Variants in LRRC55 observed in about 807,000 individuals in gnomAD.
LRRC55 encodes leucine-rich repeat-containing protein 55.
In LRRC55, 11 loss-of-function variants were observed where a neutral mutation model predicts 20.5. That is an observed-to-expected ratio of 0.54 (90% confidence interval 0.34 to 0.89). The LOEUF (loss-of-function observed/expected upper bound fraction) is 0.89. LRRC55 is among the 40% of genes least tolerant of loss of function. The pLI is 0.02. For missense variants in LRRC55, 358 were observed against 390.9 expected (o/e 0.92, Z 0.71); for synonymous variants, 188 against 166.6 (o/e 1.13, Z -0.99).
chr11:57,184,482 A>G (rs1854403478), intron 1 of LRRC55, among the ~76,000 whole-genome samples: 1 of 152,344 alleles, frequency 6.6e-6, no homozygotes, highest in Non-Finnish European at 1.5e-5. Flanking sequence ...TGAGGAAGCA[A>G]GCAGTCCCAG....
In LRRC55 at chr11:57,182,548, T is replaced by C. The variant is rs1854375029; in HGVS notation, c.526T>C (p.Phe176Leu). The change falls in exon 1 of 2, where the codon TTC becomes CTC. Residue 176 changes from phenylalanine (F) to leucine (L), a missense_variant. Physicochemically the swap from Phe to Leu is conservative, Grantham distance 22. Around this residue, in one of 3 missense-constraint regions of LRRC55, gnomAD observed 178 missense variants for 207.9 expected, o/e 0.86. Coordinates refer to ENST00000497933, the MANE Select transcript of LRRC55 (RefSeq NM_001005210.4). ...GGACCTCAGTTATGGGGGCCTGGCCTTCCTCAGCCTGGAGGCTCTTGAGGG... is the reference window on the plus strand; with the variant it reads ...GGACCTCAGTTATGGGGGCCTGGCCCTCCTCAGCCTGGAGGCTCTTGAGGG... ...DLDLSYGGLA[F>L]LSLEALEGLP... 1.3e-6 allele frequency: 2 copies of C among 1,569,050 alleles called. No homozygotes were observed. Among genetic ancestry groups the C allele is most frequent in the Non-Finnish European group, 1.7e-6 (2 of 1,155,444 alleles).
At chr11:57,186,849 G>GA (rs1779052414) in intron 1 of LRRC55, among the ~76,000 whole-genome samples, 1 of 152,204 alleles carries the variant, frequency 6.6e-6, no homozygotes, top group African/African-American at 2.4e-5. Flanking sequence ...AGGTTTGAAA[G>GA]AACCACTCAG....
Position 57,187,756 on chromosome 11 carries a change from G to T in LRRC55, c.*276G>T. On this transcript the variant is annotated 3_prime_UTR_variant, in exon 2 of 2. Coordinates refer to ENST00000497933, the MANE Select transcript of LRRC55 (RefSeq NM_001005210.4). The stretch of plus-strand genomic sequence containing the variant: ...AAAACTATTCCCTTTAAGACTATAT[G>T]TCAGGACTCTGAGCACGTCATTATG... The T allele has an allele frequency of 1.9e-6, 1 of 521,066 alleles. No homozygotes were observed. Among genetic ancestry groups the T allele is most frequent in the Non-Finnish European group, 3.4e-6 (1 of 294,080 alleles). The allele number at this position is 521,066 out of a possible 1,614,324, so 32.3% of individuals were successfully genotyped here.
rs779337340 is a variant in LRRC55 at position 57,188,845 on chromosome 11, C to G, written c.*1365C>G. 1 of 152,212 alleles carries G rather than the reference C, an allele frequency of 6.6e-6. No homozygotes were observed. Among genetic ancestry groups the G allele is most frequent in the African/African-American group, 2.4e-5 (1 of 41,452 alleles). 9.4% of individuals were successfully genotyped at this position (152,212 alleles called of 1,614,324 possible). ...CTATTGACTCACTTCTTTCAATTCT[C>G]ACAGCAACACTGCCTGGTGGTTTTT... On this transcript the variant is annotated 3_prime_UTR_variant, in exon 2 of 2. Coordinates refer to ENST00000497933, the MANE Select transcript of LRRC55 (RefSeq NM_001005210.4).
At chr11:57,186,575 C>G (rs185359529) in intron 1 of LRRC55, among the ~76,000 whole-genome samples, 1 of 152,280 alleles carries the variant, frequency 6.6e-6, no homozygotes, top group Non-Finnish European at 1.5e-5. Flanking sequence ...AAGTGGGGAG[C>G]TGAGCTGTGC....
rs371583372 is a variant in LRRC55 at position 57,187,510 on chromosome 11, T to A, written c.*30T>A. 4.3e-5 allele frequency: 68 copies of A among 1,592,126 alleles called. No homozygotes were observed. The highest frequency in any genetic ancestry group is 5.5e-5 in the Non-Finnish European group (64 of 1,165,878). ...CCTGCCTCTCATCCCTCCATGCTGC[T>A]GACCGCCACAGCTGCTGGCCACCAG... On this transcript the variant is annotated 3_prime_UTR_variant, in exon 2 of 2. Transcript: ENST00000497933.
chr11:57,182,580 G>T lies in LRRC55; in HGVS notation c.558G>T (p.Pro186=). The T allele has an allele frequency of 6.5e-7, 1 of 1,539,318 alleles. No individual in the cohort carries two copies. Among genetic ancestry groups the T allele is most frequent in the Non-Finnish European group, 8.7e-7 (1 of 1,143,396 alleles). ...GCCTGGAGGCTCTTGAGGGCCTACCGGGGCTGGTGACCCTGCAGATCGGTG... is the reference window on the plus strand; with the variant it reads ...GCCTGGAGGCTCTTGAGGGCCTACCTGGGCTGGTGACCCTGCAGATCGGTG... The part of the protein sequence containing the change: ...FLSLEALEGL[P]GLVTLQIGGN... Residue 186 remains proline, a synonymous_variant, in exon 1 of 2, where the codon CCG becomes CCT. Transcript: ENST00000497933.
intron 1 of LRRC55, among the ~76,000 whole-genome samples, chr11:57,185,042 G>T (rs767049762): frequency 5.3e-5 from 8 of 152,288 alleles, no homozygotes; most frequent in Non-Finnish European, 1.0e-4. Flanking sequence ...GGGATTTGGG[G>T]AAGGTTGGGT....
intron 1 of LRRC55, among the ~76,000 whole-genome samples, chr11:57,186,021 T>G (rs1405021561): frequency 6.6e-6 from 1 of 151,686 alleles, no homozygotes; most frequent in Non-Finnish European, 1.5e-5. Context: ...TACATTAATA[T>G]GTAGCATATA....
At position 57,187,752 on chromosome 11, in the gene LRRC55, A is replaced by G; in HGVS notation, c.*272A>G. On this transcript the variant is annotated 3_prime_UTR_variant, in exon 2 of 2. Coordinates refer to ENST00000497933, the MANE Select transcript of LRRC55 (RefSeq NM_001005210.4). ...TCCAAAAACTATTCCCTTTAAGACT[A>G]TATGTCAGGACTCTGAGCACGTCAT... The G allele has an allele frequency of 1.3e-5, 7 of 532,816 alleles. 1 individual carries two copies. The highest frequency in any genetic ancestry group is 9.4e-5 in the South Asian group (4 of 42,780). The allele number at this position is 532,816 out of a possible 1,614,324, so 33.0% of individuals were successfully genotyped here.
rs914230477 is a variant in LRRC55, at chr11:57,187,821, T to C, written c.*341T>C. On this transcript the variant is annotated 3_prime_UTR_variant, in exon 2 of 2. Transcript: ENST00000497933. ...GAGCCATCATCTGTATCTAGCAATG[T>C]CCATGAGAATTATAAGATTAGAGTG... is the stretch of plus-strand genomic sequence containing the variant. The C allele has an allele frequency of 3.7e-5, 14 of 377,416 alleles. No homozygotes were observed. In the South Asian group the frequency reaches 3.8e-4, roughly 10 times the overall value. The allele number at this position is 377,416 out of a possible 1,614,324, so 23.4% of individuals were successfully genotyped here.
In LRRC55 at chr11:57,189,296, G is replaced by A. The variant is rs1014505163; in HGVS notation, c.*1816G>A. On this transcript the variant is annotated 3_prime_UTR_variant, in exon 2 of 2. Coordinates refer to ENST00000497933, the MANE Select transcript of LRRC55 (RefSeq NM_001005210.4). ...TTCCAGTGCTTTCTCAAGTGCTTGG[G>A]GAAGAGAATGCCTCAGAAGGCTGGG... 5 of 152,182 alleles carry A rather than the reference G, an allele frequency of 3.3e-5. No individual in the cohort carries two copies. The highest frequency in any genetic ancestry group is 3.9e-4 in the East Asian group (2 of 5,190). 9.4% of individuals were successfully genotyped at this position (152,182 alleles called of 1,614,324 possible). A position where few individuals can be genotyped will look rare whatever the true frequency, so the allele number is the denominator to read the frequency against.
At position 57,188,339 on chromosome 11, in the gene LRRC55, A is replaced by T. The variant is rs1306611364; in HGVS notation, c.*859A>T. On this transcript the variant is annotated 3_prime_UTR_variant, in exon 2 of 2. Transcript: ENST00000497933. ...CTAATCATGTGACTGTTCTTGCCAC[A>T]GTGCTCATGCCACAGGGTCTCACCA... The T allele has an allele frequency of 6.5e-6, 1 of 152,714 alleles. No homozygotes were observed. Among genetic ancestry groups the T allele is most frequent in the Non-Finnish European group, 1.5e-5 (1 of 68,090 alleles). 9.5% of individuals were successfully genotyped at this position (152,714 alleles called of 1,614,324 possible). A position where few individuals can be genotyped will look rare whatever the true frequency, so the allele number is the denominator to read the frequency against.
At position 57,187,678 on chromosome 11, in the gene LRRC55, T is replaced by G. The variant is rs1854452154; in HGVS notation, c.*198T>G. ...TAGGAATTGGGAACATCAGATGAAC[T>G]GACTCAGTCCCTGCCCTCAAGGCAC... On this transcript the variant is annotated 3_prime_UTR_variant, in exon 2 of 2. Transcript: ENST00000497933. The G allele has an allele frequency of 1.3e-5, 8 of 635,960 alleles. No homozygotes were observed. The South Asian group carries it at 1.3e-4, about 10-fold the overall frequency. 39.4% of individuals were successfully genotyped at this position (635,960 alleles called of 1,614,324 possible). A position where few individuals can be genotyped will look rare whatever the true frequency, so the allele number is the denominator to read the frequency against.
At chr11:57,187,197 C>A (rs1272457430) in intron 1 of LRRC55, 48 bp from the exon 2 acceptor site, 2 of 1,544,534 alleles carry the variant, frequency 1.3e-6, no homozygotes, top group African/African-American at 2.7e-5. Flanking sequence ...CTTTCCAATC[C>A]CCTCTCCTTC....
chr11:57,183,886 G>A (rs912844869), intron 1 of LRRC55, among the ~76,000 whole-genome samples: 1 of 152,212 alleles, frequency 6.6e-6, no homozygotes, highest in African/African-American at 2.4e-5. Flanking sequence ...TTCAGCTGTG[G>A]CCCTAGCCAC....
rs778860189 is a variant in LRRC55 at position 57,190,932 on chromosome 11, C to G, written c.*3452C>G. On this transcript the variant is annotated 3_prime_UTR_variant, in exon 2 of 2. Coordinates refer to ENST00000497933, the MANE Select transcript of LRRC55 (RefSeq NM_001005210.4). ...GTGGCAGAGGCATCCTAATGAGAACCTGACTTCTCCTTGCTTCCCTCTGCT... is the reference window on the plus strand; with the variant it reads ...GTGGCAGAGGCATCCTAATGAGAACGTGACTTCTCCTTGCTTCCCTCTGCT... The G allele has an allele frequency of 2.6e-5, 4 of 152,186 alleles. No individual in the cohort carries two copies. The East Asian group carries it at 5.8e-4, about 22-fold the overall frequency. The allele number at this position is 152,186 out of a possible 1,614,324, so 9.4% of individuals were successfully genotyped here.
At chr11:57,184,380 C>G (rs111581973) in intron 1 of LRRC55, among the ~76,000 whole-genome samples, 59 of 152,256 alleles carry the variant, frequency 3.9e-4, no homozygotes, top group African/African-American at 1.3e-3. Flanking sequence ...GAGAGGGGTC[C>G]AAGATTTCAT....
At chr11:57,186,937 C>T (rs1854438596) in intron 1 of LRRC55, among the ~76,000 whole-genome samples, 2 of 152,174 alleles carry the variant, frequency 1.3e-5, no homozygotes, top group Non-Finnish European at 2.9e-5. Flanking sequence ...TTCTGAAGCC[C>T]AGAAACCAGT....
Sources: gnomAD v4.1 joint callset for allele counts (sites outside exome capture counted in the v4.1 genomes callset) on GRCh38, gnomAD v4.1.1 for gene constraint, gnomAD v4.1.1 regional missense constraint, MANE v1.5 for transcripts, NCBI Gene and HGNC (gene_info 2026-07-23, HGNC 2026-07-21) for gene names.